CLYBL: variants seen among roughly 807,000 people sequenced by gnomAD.
The protein encoded by CLYBL is citramalyl-CoA lyase, mitochondrial.
CLYBL carries 31 observed loss-of-function variants against 38.9 expected under a neutral mutation model. The ratio of observed to expected loss-of-function variants is 0.80; its 90% CI spans 0.60 to 1.08. CLYBL has a LOEUF of 1.08. Ranked by LOEUF, CLYBL falls within the 50% of genes least tolerant of loss-of-function variation. CLYBL has a pLI of 0.00. For synonymous variants in CLYBL, 171 were observed against 158.6 expected, an observed-to-expected ratio of 1.08 and a Z score of -0.59; for missense variants, 434 against 411.6, an observed-to-expected ratio of 1.05 and a Z score of -0.47.
chr13:99,608,847 C>CTTTTTTTTTTT (rs57961216), intron 1 of CLYBL, among the ~76,000 whole-genome samples: 2 of 87,886 alleles, frequency 2.3e-5, no homozygotes, highest in African/African-American at 5.5e-5. Context: ...AGTGATGAGT[C>CTTTTTTTTTTT]TTTTTTTTTT....
At chr13:99,678,889 A>G (rs969636954) in intron 1 of CLYBL, among the ~76,000 whole-genome samples, 3 of 152,192 alleles carry the variant, frequency 2.0e-5, no homozygotes, top group Non-Finnish European at 2.9e-5. Flanking sequence ...GCATTTATTC[A>G]CTGACTAGAT....
In CLYBL at chr13:99,621,237, A is replaced by G. The variant is rs539473454; in HGVS notation, c.62+14480A>G. Among the ~76,000 whole-genome samples the G allele has an allele frequency of 7.2e-5, 11 of 152,236 alleles. No homozygotes were observed. The South Asian group carries it at 2.3e-3, about 32-fold the overall frequency. On this transcript the variant is annotated intron_variant, in intron 1 of 8. Transcript: ENST00000339105. ...CAGTGACCTCCAATTACCTGCCGCT[A>G]AAGTCCAGGCCCCTTAGTGTGGCAT...
chr13:99,703,710 G>A (rs1481624481), intron 1 of CLYBL, among the ~76,000 whole-genome samples: 1 of 152,124 alleles, frequency 6.6e-6, no homozygotes, highest in African/African-American at 2.4e-5. Context: ...CACAGGAGAT[G>A]TATTCAGAAA....
chr13:99,903,966 G>T (rs2052668149), intron 8 of CLYBL, among the ~76,000 whole-genome samples: 1 of 151,864 alleles, frequency 6.6e-6, no homozygotes, highest in African/African-American at 2.4e-5. Context: ...GAGCACTTGA[G>T]CCCAAGAGTT....
In CLYBL at chr13:99,682,174, C is replaced by T. The variant is rs567768600; in HGVS notation, c.62+75417C>T. 2.8e-4 allele frequency among the ~76,000 whole-genome samples: 43 copies of T among 151,496 alleles called. No homozygotes were observed. The East Asian group carries it at 6.8e-3, about 24-fold the overall frequency. On this transcript the variant is annotated intron_variant, in intron 1 of 8. Coordinates refer to ENST00000339105, the MANE Select transcript of CLYBL (RefSeq NM_206808.5). ...CTTTTTTTTTTTGGAGACAGAGTCT[C>T]GCTCTGTCGCCCAGGCTGGAATGCA...
intron 7 of CLYBL, among the ~76,000 whole-genome samples, chr13:99,876,069 C>CTTTTTTT (rs10625169): frequency 4.7e-5 from 5 of 106,666 alleles, no homozygotes; most frequent in Admixed American, 1.2e-4. Flanking sequence ...TTCTATTTCA[C>CTTTTTTT]TTTTTTTTTT....
rs76385634 is a variant in CLYBL at position 99,760,417 on chromosome 13, T to C, written c.63-12407T>C. Reference sequence around the variant, plus strand: ...CAAGTTACTGACCAGCATTTTTTCATTTCATGTTTTCATATACCTTTGGGC... The same window carrying C: ...CAAGTTACTGACCAGCATTTTTTCACTTCATGTTTTCATATACCTTTGGGC... On this transcript the variant is annotated intron_variant, in intron 1 of 8. Transcript: ENST00000339105. Among the ~76,000 whole-genome samples, 1,388 of 152,372 alleles carry C rather than the reference T, an allele frequency of 9.1e-3. 9 individuals carry two copies. Among genetic ancestry groups the C allele is most frequent in the East Asian group, 0.039 (202 of 5,192 alleles).
At chr13:99,900,325 C>T (rs564714924), downstream of CLYBL, among the ~76,000 whole-genome samples, 1 of 152,118 alleles carries the variant, frequency 6.6e-6, no homozygotes, top group Non-Finnish European at 1.5e-5. Context: ...CTCCCACAGC[C>T]ACGTGCATTT....
At chr13:99,693,018 A>C (rs2047930577) in intron 1 of CLYBL, among the ~76,000 whole-genome samples, 1 of 152,006 alleles carries the variant, frequency 6.6e-6, no homozygotes, top group Non-Finnish European at 1.5e-5. Context: ...TTATAATTTC[A>C]CTATGAACAT....
chr13:99,610,887 T>G (rs1279985827), intron 1 of CLYBL, among the ~76,000 whole-genome samples: 1 of 152,208 alleles, frequency 6.6e-6, no homozygotes, highest in Non-Finnish European at 1.5e-5. Flanking sequence ...TGATGGTAAA[T>G]AAGTACTTCT....
Position 99,719,911 on chromosome 13 carries a change from C to CT in CLYBL, c.63-52904dup, listed in dbSNP as rs959278738. Among the ~76,000 whole-genome samples, 455 of 151,440 alleles carry CT rather than the reference C, an allele frequency of 3.0e-3. 2 individuals are homozygous for CT. Among genetic ancestry groups the CT allele is most frequent in the African/African-American group, 0.011 (437 of 41,318 alleles). On this transcript the variant is annotated intron_variant, in intron 1 of 8. Transcript: ENST00000339105. The stretch of plus-strand genomic sequence containing the variant: ...TTTTATAAACAGTATTAAATTGAAA[C>CT]TTTTTTTTTCTTTAAATGTAATCTT...
chr13:99,633,582 G>A (rs530746061), intron 1 of CLYBL, among the ~76,000 whole-genome samples: 52 of 151,934 alleles, frequency 3.4e-4, no homozygotes, highest in African/African-American at 1.2e-3. Context: ...AAGGTTAGTG[G>A]TTGCCAGAGG....
At chr13:99,785,555 T>C (rs1300102877) in intron 2 of CLYBL, among the ~76,000 whole-genome samples, 1 of 152,042 alleles carries the variant, frequency 6.6e-6, no homozygotes, top group African/African-American at 2.4e-5. Flanking sequence ...CTTTTACCTG[T>C]TCTGGCTTAT....
chr13:99,650,487 C>T (rs1294200917), intron 1 of CLYBL, among the ~76,000 whole-genome samples: 1 of 152,220 alleles, frequency 6.6e-6, no homozygotes, highest in African/African-American at 2.4e-5. Flanking sequence ...TGCCCATCTA[C>T]TTTCCTCTCC....
intron 2 of CLYBL, among the ~76,000 whole-genome samples, chr13:99,856,489 A>G (rs2051461181): frequency 6.6e-6 from 1 of 152,194 alleles, no homozygotes; most frequent in East Asian, 1.9e-4. Context: ...TTAAAAGGGA[A>G]CCTGGAAGTC....
At chr13:99,680,125 T>C (rs1410839604) in intron 1 of CLYBL, among the ~76,000 whole-genome samples, 1 of 152,162 alleles carries the variant, frequency 6.6e-6, no homozygotes, top group Non-Finnish European at 1.5e-5. Flanking sequence ...TACTAATTAA[T>C]GGGGGAATTT....
In CLYBL at chr13:99,675,694, T is replaced by C. The variant is rs1594113892; in HGVS notation, c.62+68937T>C. Among the ~76,000 whole-genome samples, 3 of 152,274 alleles carry C rather than the reference T, an allele frequency of 2.0e-5. No individual in the cohort carries two copies. The East Asian group carries it at 5.8e-4, about 29-fold the overall frequency. On this transcript the variant is annotated intron_variant, in intron 1 of 8. Coordinates refer to ENST00000339105, the MANE Select transcript of CLYBL (RefSeq NM_206808.5). ...TTCAAGCTTCATCCAAGCTGTAGCA[T>C]GTGGCAGTACTTCATTCCTTTTTAG...
intron 1 of CLYBL, among the ~76,000 whole-genome samples, chr13:99,699,932 C>T (rs1200349587): frequency 6.6e-6 from 1 of 151,982 alleles, no homozygotes; most frequent in African/African-American, 2.4e-5. Context: ...GCGGAGCTTG[C>T]AGTGAGCCGA....
At chr13:99,692,301 TTTG>T in intron 1 of CLYBL, among the ~76,000 whole-genome samples, 2 of 149,180 alleles carry the variant, frequency 1.3e-5, no homozygotes, top group African/African-American at 2.5e-5. Context: ...TTTTTTTTTG[TTTG>T]TTTTTTTGAG....
Sources: allele counts gnomAD v4.1 joint callset (sites outside exome capture counted in the v4.1 genomes callset), GRCh38; gene constraint gnomAD v4.1.1; transcripts MANE v1.5; gene names NCBI Gene and HGNC (gene_info 2026-07-23, HGNC 2026-07-21).